THBS4: variants seen among roughly 807,000 people sequenced by gnomAD.
The protein encoded by THBS4 is thrombospondin-4.
THBS4 carries 90 observed loss-of-function variants against 115.7 expected under a neutral mutation model. That is an observed-to-expected ratio of 0.78 (90% CI 0.66 to 0.93). The LOEUF is 0.93. Among genes scored for constraint, THBS4 ranks in the 40% least tolerant of loss-of-function variants. The pLI is 0.00. For synonymous variants in THBS4, 460 were observed against 479.3 expected (o/e 0.96, Z 0.53); for missense variants, 1,087 against 1,232.7 (o/e 0.88, Z 1.77).
At chr5:80,070,901 C>T in intron 12 of THBS4, 120 bp from the exon 13 acceptor site, 1 of 1,577,632 alleles carries the variant, frequency 6.3e-7, no homozygotes, top group Non-Finnish European at 8.6e-7. Context: ...CTATAAGATT[C>T]ACAGATGTTT....
chr5:80,080,824 A>T (rs927608558), intron 20 of THBS4, among the ~76,000 whole-genome samples: 34 of 151,782 alleles, frequency 2.2e-4, no homozygotes, highest in African/African-American at 7.0e-4. Flanking sequence ...TGACCTCGTG[A>T]TCCACCCGCC....
intron 10 of THBS4, among the ~76,000 whole-genome samples, chr5:80,069,164 T>C (rs1833943543): frequency 6.6e-6 from 1 of 152,244 alleles, no homozygotes; most frequent in African/African-American, 2.4e-5. Context: ...AGTAGCAAGA[T>C]GGATTCTCGG....
chr5:80,068,087 C>T lies in THBS4; in HGVS notation c.1309C>T (p.Gln437Ter). The change falls in exon 10 of 22, where the codon CAG becomes TAG. Residue 437 changes from glutamine to a stop codon, truncating the protein, a stop_gained. Transcript: ENST00000350881. LOFTEE classifies it high-confidence loss of function. ...GCTGAACCCTTGCAGTGTGAATGCC[C>T]AGTGCATTGAAGAGAGGCAGGGGGA... Reference protein sequence around the residue: ...PELNPCSVNAQCIEERQGDVT... With the variant: ...PELNPCSVNA The T allele has an allele frequency of 6.2e-7, 1 of 1,614,192 alleles. No homozygotes were observed. The highest frequency in any genetic ancestry group is 1.7e-5 in the Admixed American group (1 of 60,024).
chr5:79,991,342 C>T (rs935565463), exon 1 of THBS4: 1 of 1,031,220 alleles, frequency 9.7e-7, no homozygotes, highest in Non-Finnish European at 1.4e-6. Flanking sequence ...AATTTGGGGG[C>T]TCTTGAGAGA....
At position 80,036,491 on chromosome 5, in the gene THBS4, A is replaced by G. The variant is rs1333335669; in HGVS notation, c.88+866A>G. Among the ~76,000 whole-genome samples the G allele has an allele frequency of 2.0e-5, 3 of 152,232 alleles. No homozygotes were observed. The South Asian group carries it at 6.2e-4, about 32-fold the overall frequency. ...ATGCACCCATGTAACAAACTTGCACATGTACCCTCTGAATCTATAATTTAA... is the reference window on the plus strand; with the variant it reads ...ATGCACCCATGTAACAAACTTGCACGTGTACCCTCTGAATCTATAATTTAA... On this transcript the variant is annotated intron_variant, in intron 1 of 21. Transcript: ENST00000350881.
At chr5:80,019,447 G>A (rs1355080521) in intron 2 of THBS4, among the ~76,000 whole-genome samples, 1 of 152,046 alleles carries the variant, frequency 6.6e-6, no homozygotes, top group Non-Finnish European at 1.5e-5. Context: ...ATATTAAATG[G>A]CATTATGGAA....
chr5:79,996,697 A>G (rs930904814), intron 1 of THBS4, among the ~76,000 whole-genome samples: 8 of 152,232 alleles, frequency 5.3e-5, no homozygotes, highest in African/African-American at 1.4e-4. Flanking sequence ...CTCCTCCAGC[A>G]TAGTAAACCT....
At chr5:80,044,547 C>T (rs1374431799) in intron 2 of THBS4, among the ~76,000 whole-genome samples, 1 of 152,184 alleles carries the variant, frequency 6.6e-6, no homozygotes, top group East Asian at 1.9e-4. Context: ...CTCAGCCTCC[C>T]GAGTAGCTGG....
At chr5:80,074,349 A>G (rs1221367592) in intron 15 of THBS4, 1 of 152,226 alleles carries the variant, frequency 6.6e-6, no homozygotes, top group African/African-American at 2.4e-5. Flanking sequence ...GGCTGGATCA[A>G]CTGATCAGAT....
At chr5:80,023,891 G>A (rs368398532) in intron 2 of THBS4, among the ~76,000 whole-genome samples, 6 of 152,080 alleles carry the variant, frequency 3.9e-5, no homozygotes, top group Admixed American at 1.3e-4. Flanking sequence ...TCCATCCCAC[G>A]AGAGTAAGAA....
At chr5:80,053,650 T>C (rs2112077519) in intron 2 of THBS4, among the ~76,000 whole-genome samples, 1 of 152,326 alleles carries the variant, frequency 6.6e-6, no homozygotes, top group Middle Eastern at 3.4e-3. Context: ...GTTTACCACC[T>C]CCCTTATCCA....
intron 10 of THBS4, among the ~76,000 whole-genome samples, chr5:80,070,048 C>A (rs17879800): frequency 6.6e-6 from 1 of 152,222 alleles, no homozygotes; most frequent in African/African-American, 2.4e-5. Flanking sequence ...CTCCCATCTC[C>A]CTTCTGCTGC....
chr5:80,006,473 C>A (rs1247586176), intron 2 of THBS4, among the ~76,000 whole-genome samples: 1 of 152,192 alleles, frequency 6.6e-6, no homozygotes, highest in Non-Finnish European at 1.5e-5. Context: ...TGAGGCTTCC[C>A]CAGCCATGTG....
At chr5:80,063,996 T>C (rs1833725656) in intron 8 of THBS4, among the ~76,000 whole-genome samples, 1 of 152,160 alleles carries the variant, frequency 6.6e-6, no homozygotes, top group African/African-American at 2.4e-5. Flanking sequence ...TTTTACCACC[T>C]GTGTGGAGTG....
Position 80,061,826 on chromosome 5 carries a change from C to A in THBS4, c.1119C>A (p.Asn373Lys), listed in dbSNP as rs1833648692. The change falls in exon 8 of 22, where the codon AAC becomes AAA. Residue 373 changes from asparagine (N) to lysine (K), a missense_variant. Asn to Lys is a moderately conservative substitution (Grantham distance 94). This residue lies in a region of THBS4 where 979 missense variants were observed against 1,103.7 expected (regional missense o/e 0.89). Coordinates refer to ENST00000350881, the MANE Select transcript of THBS4 (RefSeq NM_003248.6). ...QGVGISFAKSNKQVCTDIDEC... is the reference protein window; with the variant it reads ...QGVGISFAKSKKQVCTDIDEC... ...TTGGGATCAGTTTTGCCAAGTCAAACAAGCAGGTAGGCTGAAGTCATGGTT... is the reference window on the plus strand; with the variant it reads ...TTGGGATCAGTTTTGCCAAGTCAAAAAAGCAGGTAGGCTGAAGTCATGGTT... 6.2e-7 allele frequency: 1 copy of A among 1,607,506 alleles called. No homozygotes were observed. The highest frequency in any genetic ancestry group is 8.5e-7 in the Non-Finnish European group (1 of 1,176,630).
intron 2 of THBS4, among the ~76,000 whole-genome samples, chr5:80,002,475 A>G (rs965599960): frequency 2.7e-5 from 4 of 149,710 alleles, no homozygotes; most frequent in Admixed American, 1.3e-4. Context: ...CTTGTATAAC[A>G]GTCATGCTGC....
chr5:80,070,889 C>T (rs1215034845), intron 12 of THBS4, 132 bp from the exon 13 acceptor site: 2 of 1,571,078 alleles, frequency 1.3e-6, no homozygotes, highest in African/African-American at 1.4e-5. Flanking sequence ...CAGCTTTTTA[C>T]CCTATAAGAT....
At position 80,082,410 on chromosome 5, in the gene THBS4, C is replaced by T. The variant is rs151007074; in HGVS notation, c.2689C>T (p.Arg897Ter). 34 of 1,613,970 alleles carry T rather than the reference C, an allele frequency of 2.1e-5. No individual in the cohort carries two copies. The African/African-American group carries it at 4.3e-4, about 20-fold the overall frequency. Residue 897 changes from arginine to a stop codon, truncating the protein, a stop_gained, in exon 21 of 22, where the codon CGA becomes TGA. Coordinates refer to ENST00000350881, the MANE Select transcript of THBS4 (RefSeq NM_003248.6). LOFTEE classifies it high-confidence loss of function. ...CTCCGGCCGTGTTGTCCGCAGGGTA[C>T]GATTTTATGAAGGCTCTGAGTTGGT... Reference protein sequence around the residue: ...HRPQVGYIRVRFYEGSELVAD... With the variant: ...HRPQVGYIRV
chr5:80,000,171 A>G (rs1249486600), intron 2 of THBS4, among the ~76,000 whole-genome samples: 1 of 152,210 alleles, frequency 6.6e-6, no homozygotes. Context: ...ATTTGATTAC[A>G]CCTGCATAAA....
Sources: allele counts gnomAD v4.1 joint callset (sites outside exome capture counted in the v4.1 genomes callset), GRCh38; gene constraint gnomAD v4.1.1; regional missense constraint gnomAD v4.1.1; transcripts MANE v1.5; gene names NCBI Gene and HGNC (gene_info 2026-07-23, HGNC 2026-07-21).